FGF10: variants seen among roughly 807,000 people sequenced by gnomAD.
The protein encoded by FGF10 is FGF-10.
In FGF10, 2 loss-of-function variants were observed where a neutral mutation model predicts 19.8. The ratio of observed to expected loss-of-function variants is 0.10; its 90% CI spans 0.04 to 0.32. FGF10 has a LOEUF of 0.32. FGF10 is among the 10% of genes least tolerant of loss of function. The pLI is 1.00. For missense variants in FGF10, 191 were observed against 246.3 expected (o/e 0.78, Z 1.50); for synonymous variants, 112 against 94.0 (o/e 1.19, Z -1.10).
At chr5:44,318,600 C>T (rs1351029268) in intron 1 of FGF10, among the ~76,000 whole-genome samples, 2 of 152,106 alleles carry the variant, frequency 1.3e-5, no homozygotes, top group African/African-American at 4.8e-5. Flanking sequence ...CAGAAAGTTT[C>T]ATATACTGAC....
intron 1 of FGF10, among the ~76,000 whole-genome samples, chr5:44,368,734 T>A (rs1040523529): frequency 2.0e-5 from 3 of 152,136 alleles, no homozygotes; most frequent in African/African-American, 7.2e-5. Context: ...AGTGGCACCA[T>A]CAGGGCTCAC....
intron 1 of FGF10, among the ~76,000 whole-genome samples, chr5:44,321,164 G>A (rs1740476041): frequency 6.6e-6 from 1 of 152,158 alleles, no homozygotes; most frequent in Non-Finnish European, 1.5e-5. Flanking sequence ...CTGCTGCTAA[G>A]GACATTTGTC....
chr5:44,354,220 T>A (rs1021510910), intron 1 of FGF10, among the ~76,000 whole-genome samples: 1 of 151,358 alleles, frequency 6.6e-6, no homozygotes, highest in Non-Finnish European at 1.5e-5. Context: ...AAATAGAAAG[T>A]AGAGAGTGGA....
At chr5:44,306,009 C>T (rs17234611) in intron 2 of FGF10, among the ~76,000 whole-genome samples, 2,434 of 152,246 alleles carry the variant, frequency 0.016, 58 homozygotes, top group African/African-American at 0.054. Flanking sequence ...AGGAGACATT[C>T]CTGGACAAGG....
rs184200358 is a variant in FGF10, at chr5:44,348,047, T to C, written c.326-37517A>G. ...GATTTGCTATAAAATGTAAATAGAA[T>C]GTGTCTGGGCAAAAATGTTTGACAA... On this transcript the variant is annotated intron_variant, in intron 1 of 2. Transcript: ENST00000264664. Among the ~76,000 whole-genome samples, 135 of 151,804 alleles carry C rather than the reference T, an allele frequency of 8.9e-4. 1 individual carries two copies. Among genetic ancestry groups the C allele is most frequent in the Non-Finnish European group, 4.4e-4 (30 of 67,806 alleles).
At chr5:44,305,738 T>G (rs895729244) in intron 2 of FGF10, among the ~76,000 whole-genome samples, 4 of 152,184 alleles carry the variant, frequency 2.6e-5, no homozygotes, top group African/African-American at 7.2e-5. Flanking sequence ...GGGGATGTCT[T>G]TCTTCCAAAT....
At chr5:44,379,190 C>G (rs1413002152) in intron 1 of FGF10, among the ~76,000 whole-genome samples, 2 of 152,192 alleles carry the variant, frequency 1.3e-5, no homozygotes, top group East Asian at 3.9e-4. Context: ...TGATAACACT[C>G]ACTTCAATTT....
chr5:44,333,102 A>AC (rs574102260), intron 1 of FGF10, among the ~76,000 whole-genome samples: 2,641 of 151,670 alleles, frequency 0.017, 76 homozygotes, highest in African/African-American at 0.06. Flanking sequence ...AGAAGTCCTG[A>AC]CCCCCCCCAA....
intron 1 of FGF10, among the ~76,000 whole-genome samples, chr5:44,348,384 G>T (rs1741134326): frequency 6.6e-6 from 1 of 151,532 alleles, no homozygotes. Context: ...CTTACTAATG[G>T]AGTAGTCTCA....
At chr5:44,323,451 C>A (rs918220849) in intron 1 of FGF10, among the ~76,000 whole-genome samples, 1 of 152,102 alleles carries the variant, frequency 6.6e-6, no homozygotes, top group Non-Finnish European at 1.5e-5. Context: ...ATGGGAAAAG[C>A]AACACTGGGC....
At chr5:44,341,655 C>T (rs1325210104) in intron 1 of FGF10, among the ~76,000 whole-genome samples, 1 of 151,868 alleles carries the variant, frequency 6.6e-6, no homozygotes, top group Non-Finnish European at 1.5e-5. Context: ...ATCTGAAGAC[C>T]TAAAACCTCT....
chr5:44,364,381 C>G (rs1187080453), intron 1 of FGF10, among the ~76,000 whole-genome samples: 3 of 151,740 alleles, frequency 2.0e-5, no homozygotes, highest in Non-Finnish European at 2.9e-5. Context: ...TAATTGAATG[C>G]AATTATTCTC....
chr5:44,363,591 T>A (rs930646983), intron 1 of FGF10, among the ~76,000 whole-genome samples: 1 of 151,850 alleles, frequency 6.6e-6, no homozygotes, highest in Non-Finnish European at 1.5e-5. Context: ...AAAAAAGATA[T>A]GTTTGTTGAA....
intron 1 of FGF10, among the ~76,000 whole-genome samples, chr5:44,313,099 A>G (rs1169281387): frequency 6.6e-6 from 1 of 152,050 alleles, no homozygotes; most frequent in Non-Finnish European, 1.5e-5. Flanking sequence ...TATTATTTTT[A>G]TATTATTATT....
chr5:44,376,267 A>T (rs1362384323), intron 1 of FGF10, among the ~76,000 whole-genome samples: 1 of 151,974 alleles, frequency 6.6e-6, no homozygotes, highest in African/African-American at 2.4e-5. Flanking sequence ...ACAACTATGA[A>T]GTTTTATAAA....
intron 1 of FGF10, among the ~76,000 whole-genome samples, chr5:44,345,458 A>G (rs1741067802): frequency 6.6e-6 from 1 of 151,798 alleles, no homozygotes; most frequent in South Asian, 2.1e-4. Flanking sequence ...CATCATCAAT[A>G]TCTGACAATG....
At chr5:44,318,713 A>C (rs758855633) in intron 1 of FGF10, among the ~76,000 whole-genome samples, 3 of 152,138 alleles carry the variant, frequency 2.0e-5, no homozygotes, top group Non-Finnish European at 4.4e-5. Flanking sequence ...AGTAGAAGCC[A>C]ACTTACTACC....
chr5:44,354,990 G>A (rs1038873618), intron 1 of FGF10, among the ~76,000 whole-genome samples: 11 of 151,506 alleles, frequency 7.3e-5, no homozygotes, highest in South Asian at 2.1e-4. Context: ...TAGCTAGACA[G>A]TGTTGATGTA....
intron 1 of FGF10, among the ~76,000 whole-genome samples, chr5:44,351,099 T>A (rs962544727): frequency 3.2e-4 from 49 of 151,634 alleles, no homozygotes; most frequent in Middle Eastern, 3.4e-3. Context: ...CGCATTAAAA[T>A]TTGAATTTTA....
Sources: gnomAD v4.1 joint callset for allele counts (sites outside exome capture counted in the v4.1 genomes callset) on GRCh38, gnomAD v4.1.1 for gene constraint, MANE v1.5 for transcripts, NCBI Gene and HGNC (gene_info 2026-07-23, HGNC 2026-07-21) for gene names.